The following LYPD6 variants were observed in gnomAD, a reference collection of about 807,000 sequenced individuals.
LYPD6 encodes the protein ly6/PLAUR domain-containing protein 6.
In LYPD6, 15 loss-of-function variants were observed where a neutral mutation model predicts 22.7. That is an observed-to-expected ratio of 0.66 (90% CI 0.44 to 1.02). The LOEUF is 1.02. LYPD6 is among the 50% of genes least tolerant of loss of function. The pLI, the probability that LYPD6 is intolerant of heterozygous loss-of-function variation, is 0.00. For missense variants in LYPD6, 189 were observed against 208.4 expected, an observed-to-expected ratio of 0.91 and a Z score of 0.57; for synonymous variants, 72 against 77.5, an observed-to-expected ratio of 0.93 and a Z score of 0.37.
intron 1 of LYPD6, among the ~76,000 whole-genome samples, chr2:149,400,556 G>A (rs1682531134): frequency 6.6e-6 from 1 of 152,168 alleles, no homozygotes; most frequent in Non-Finnish European, 1.5e-5. Flanking sequence ...CTTTTTTGGA[G>A]GAAACTGCAA....
chr2:149,476,831 T>C (rs934075654), downstream of LYPD6, among the ~76,000 whole-genome samples: 1 of 152,204 alleles, frequency 6.6e-6, no homozygotes, highest in African/African-American at 2.4e-5. Context: ...CGATGGCTAC[T>C]GGTCCAACTT....
chr2:149,476,420 G>A (rs1681450672), downstream of LYPD6, among the ~76,000 whole-genome samples: 1 of 152,160 alleles, frequency 6.6e-6, no homozygotes, highest in Non-Finnish European at 1.5e-5. Context: ...CAGTTATTCA[G>A]AAGTAGTTTT....
At chr2:149,482,474 C>T in the LYPD6 span, among the ~76,000 whole-genome samples, 1 of 152,204 alleles carries the variant, frequency 6.6e-6, no homozygotes, top group Non-Finnish European at 1.5e-5. Flanking sequence ...CTCATTGTTA[C>T]TCTGGTTACA....
chr2:149,352,772 A>G (rs1233056765), intron 1 of LYPD6, among the ~76,000 whole-genome samples: 1 of 152,122 alleles, frequency 6.6e-6, no homozygotes, highest in Non-Finnish European at 1.5e-5. Flanking sequence ...TTATAGAAAA[A>G]GTTTGCTGGG....
At chr2:149,485,563 A>C in the LYPD6 span, among the ~76,000 whole-genome samples, 1 of 152,104 alleles carries the variant, frequency 6.6e-6, no homozygotes, top group South Asian at 2.1e-4. Context: ...AGCTGTCAGC[A>C]TATGTGGACC....
intron 1 of LYPD6, among the ~76,000 whole-genome samples, chr2:149,423,720 AACTAG>A (rs1683131622): frequency 7.5e-6 from 1 of 133,718 alleles, no homozygotes. Flanking sequence ...CTCCTCAGAA[AACTAG>A]ACTAGTTAAT....
intron 3 of LYPD6, among the ~76,000 whole-genome samples, chr2:149,453,095 G>A (rs1207888766): frequency 6.6e-6 from 1 of 152,186 alleles, no homozygotes; most frequent in African/African-American, 2.4e-5. Context: ...TGATCTCTGA[G>A]CACTTCCTTT....
Position 149,407,695 on chromosome 2 carries a change from G to A in LYPD6, c.-71-29943G>A, listed in dbSNP as rs931740187. On this transcript the variant is annotated intron_variant, in intron 1 of 4. Coordinates refer to ENST00000334166, the MANE Select transcript of LYPD6 (RefSeq NM_194317.5). ...TGGTTTGAATTTCCTCCTGTAGCTC[G>A]GAGTAGTTTGATCATCTGAAGCCTT... Among the ~76,000 whole-genome samples the A allele has an allele frequency of 5.3e-5, 8 of 152,202 alleles. No individual in the cohort carries two copies. The South Asian group carries it at 8.3e-4, about 16-fold the overall frequency.
chr2:149,484,426 A>G, the LYPD6 span, among the ~76,000 whole-genome samples: 1 of 152,188 alleles, frequency 6.6e-6, no homozygotes. Context: ...TTCAGACTAA[A>G]CACTAAGCAT....
At chr2:149,371,570 G>A (rs1681810558) in intron 1 of LYPD6, among the ~76,000 whole-genome samples, 1 of 152,180 alleles carries the variant, frequency 6.6e-6, no homozygotes, top group African/African-American at 2.4e-5. Context: ...TTTTGTGTGT[G>A]TGTATTTAGG....
At chr2:149,421,389 C>CAAAAAAAAA (rs771199025) in intron 1 of LYPD6, among the ~76,000 whole-genome samples, 1 of 67,400 alleles carries the variant, frequency 1.5e-5, no homozygotes, top group African/African-American at 5.3e-5. Flanking sequence ...GACTCCATCT[C>CAAAAAAAAA]AAAAAAAAAA....
At chr2:149,476,018 C>T (rs564147856), downstream of LYPD6, among the ~76,000 whole-genome samples, 2 of 152,226 alleles carry the variant, frequency 1.3e-5, no homozygotes, top group South Asian at 4.2e-4. Context: ...GTGAGTAGAA[C>T]CTTAGAAAAC....
At position 149,444,036 on chromosome 2, in the gene LYPD6, C is replaced by T. The variant is rs1011133453; in HGVS notation, c.119-5013C>T. On this transcript the variant is annotated intron_variant, in intron 2 of 4. Coordinates refer to ENST00000334166, the MANE Select transcript of LYPD6 (RefSeq NM_194317.5). ...GCAGCCACCGCCACCTGGGCTCAAG[C>T]GATCCTCCCACCTCAGCCTCCTGAG... 1.7e-4 allele frequency among the ~76,000 whole-genome samples: 25 copies of T among 150,196 alleles called. No individual in the cohort carries two copies. The East Asian group carries it at 2.6e-3, about 15-fold the overall frequency.
intron 1 of LYPD6, among the ~76,000 whole-genome samples, chr2:149,336,708 G>C (rs953952081): frequency 2.0e-5 from 3 of 152,230 alleles, no homozygotes; most frequent in African/African-American, 7.2e-5. Context: ...TCTTTTACCT[G>C]TGTTCTCCAA....
Position 149,403,647 on chromosome 2 carries a change from A to G in LYPD6, c.-71-33991A>G, listed in dbSNP as rs1233741873. 5.3e-5 allele frequency among the ~76,000 whole-genome samples: 8 copies of G among 150,380 alleles called. No individual in the cohort carries two copies. In the East Asian group the frequency reaches 1.6e-3, roughly 29 times the overall value. On this transcript the variant is annotated intron_variant, in intron 1 of 4. Transcript: ENST00000334166. ...CTGGATATTAGCCCTTTGTCAGATG[A>G]GTAGGTTGTGAAAATTTTCTCCCAT...
At chr2:149,418,054 T>C (rs924565833) in intron 1 of LYPD6, among the ~76,000 whole-genome samples, 1 of 152,232 alleles carries the variant, frequency 6.6e-6, no homozygotes, top group African/African-American at 2.4e-5. Context: ...CGTCTTGTGG[T>C]AAGCAGGACT....
chr2:149,378,204 C>T (rs1359343894), intron 1 of LYPD6, among the ~76,000 whole-genome samples: 1 of 152,128 alleles, frequency 6.6e-6, no homozygotes, highest in Non-Finnish European at 1.5e-5. Context: ...GCAGCCTCAA[C>T]CTTCCCTGGC....
chr2:149,389,471 A>G (rs1038824370), intron 1 of LYPD6, among the ~76,000 whole-genome samples: 2 of 152,196 alleles, frequency 1.3e-5, no homozygotes, highest in Non-Finnish European at 2.9e-5. Flanking sequence ...GATGAGAACC[A>G]AATTACAGAT....
intron 1 of LYPD6, among the ~76,000 whole-genome samples, chr2:149,418,401 A>G (rs781770437): frequency 3.9e-5 from 6 of 152,216 alleles, no homozygotes; most frequent in Non-Finnish European, 7.3e-5. Flanking sequence ...TTGCTCACGC[A>G]TTATCTAGAA....
Sources: gnomAD v4.1 joint callset for allele counts (sites outside exome capture counted in the v4.1 genomes callset) on GRCh38, gnomAD v4.1.1 for gene constraint, MANE v1.5 for transcripts, NCBI Gene and HGNC (gene_info 2026-07-23, HGNC 2026-07-21) for gene names.